Variants in RFT1 observed in about 807,000 individuals in gnomAD.
RFT1 encodes man(5)GlcNAc(2)-PP-dolichol translocation protein RFT1.
In RFT1, 43 loss-of-function variants were observed where a neutral mutation model predicts 62.2. The observed-to-expected ratio is 0.69, with a 90% CI of 0.54 to 0.89. RFT1 has a LOEUF of 0.89. Ranked by LOEUF, RFT1 falls within the 40% of genes least tolerant of loss-of-function variation. The probability of loss-of-function intolerance (pLI) is 0.00; values close to 1 mark genes in which losing one functional copy is unlikely to be tolerated. For synonymous variants in RFT1, 262 were observed against 264.6 expected (o/e 0.99, Z 0.10); for missense variants, 605 against 649.9 (o/e 0.93, Z 0.75).
chr3:53,067,793 G>T, the RFT1 span, among the ~76,000 whole-genome samples: 1 of 152,192 alleles, frequency 6.6e-6, no homozygotes, highest in Non-Finnish European at 1.5e-5. Context: ...GCCCCTGGCT[G>T]AGAATTGAGC....
chr3:53,121,839 T>A, intron 4 of RFT1, 39 bp from the exon 5 acceptor site: 3 of 1,520,494 alleles, frequency 2.0e-6, no homozygotes, highest in Non-Finnish European at 2.7e-6. Context: ...ACAAACATCA[T>A]CAAAAAGTCA....
the RFT1 span, among the ~76,000 whole-genome samples, chr3:53,068,521 T>C: frequency 1.3e-5 from 2 of 152,222 alleles, no homozygotes; most frequent in South Asian, 2.1e-4. Flanking sequence ...CTGTCCACTT[T>C]ACAGGTGACA....
chr3:53,130,273 C>T, intron 1 of RFT1, 65 bp downstream of exon 1: 1 of 1,493,120 alleles, frequency 6.7e-7, no homozygotes, highest in Non-Finnish European at 9.1e-7. Context: ...TCTCAAGGGC[C>T]CAAGGGCTGC....
chr3:53,079,023 G>A, the RFT1 span, among the ~76,000 whole-genome samples: 1 of 152,218 alleles, frequency 6.6e-6, no homozygotes, highest in Non-Finnish European at 1.5e-5. Context: ...TACAGTTCCG[G>A]GCTCTCCAGC....
chr3:53,099,154 G>C (rs1701238096), intron 11 of RFT1, among the ~76,000 whole-genome samples: 1 of 152,098 alleles, frequency 6.6e-6, no homozygotes, highest in African/African-American at 2.4e-5. Flanking sequence ...CCTCCACAAA[G>C]GGGAGGCAAA....
chr3:53,103,103 T>C (rs1701363192), intron 10 of RFT1: 25 of 985,272 alleles, frequency 2.5e-5, no homozygotes, highest in Non-Finnish European at 2.7e-5. Flanking sequence ...TGACCTTTGC[T>C]CTGGTATAGA....
intron 11 of RFT1, among the ~76,000 whole-genome samples, chr3:53,094,269 A>G (rs1575479987): frequency 6.6e-6 from 1 of 152,232 alleles, no homozygotes; most frequent in East Asian, 1.9e-4. Flanking sequence ...ATGCCCAGGT[A>G]TAGGTCCTTG....
chr3:53,112,058 G>A (rs1559591736), intron 6 of RFT1, 150 bp from the exon 7 acceptor site: 1 of 712,718 alleles, frequency 1.4e-6, no homozygotes, highest in Non-Finnish European at 2.5e-6. Context: ...GCACACAGAA[G>A]GCATCTCACA....
At chr3:53,114,782 G>A (rs1274925032) in intron 6 of RFT1, among the ~76,000 whole-genome samples, 1 of 152,124 alleles carries the variant, frequency 6.6e-6, no homozygotes, top group Non-Finnish European at 1.5e-5. Flanking sequence ...AAAAGGTGAT[G>A]GATGGTAACT....
chr3:53,128,930 C>A (rs148237431), intron 1 of RFT1, among the ~76,000 whole-genome samples: 1 of 152,224 alleles, frequency 6.6e-6, no homozygotes, highest in African/African-American at 2.4e-5. Flanking sequence ...CACTGTCACA[C>A]GGCAAGTAAA....
chr3:53,112,027 T>A (rs1288539281), intron 6 of RFT1, 119 bp from the exon 7 acceptor site: 5 of 778,452 alleles, frequency 6.4e-6, no homozygotes, highest in Non-Finnish European at 1.1e-5. Flanking sequence ...TAGTCTCCAC[T>A]GAATCCTCAT....
chr3:53,098,726 T>C (rs371121584), intron 11 of RFT1, among the ~76,000 whole-genome samples: 11 of 127,382 alleles, frequency 8.6e-5, no homozygotes, highest in South Asian at 2.6e-4. Flanking sequence ...GGCGTGAACC[T>C]GGGAGGCAGA....
chr3:53,078,518 G>A, the RFT1 span, among the ~76,000 whole-genome samples: 2 of 152,154 alleles, frequency 1.3e-5, no homozygotes, highest in Non-Finnish European at 2.9e-5. Context: ...GGAGGTCGAG[G>A]TGGGAGGATC....
At chr3:53,086,293 C>T (rs1241609520), downstream of RFT1, among the ~76,000 whole-genome samples, 1 of 152,084 alleles carries the variant, frequency 6.6e-6, no homozygotes, top group East Asian at 1.9e-4. Flanking sequence ...GAGTAGTGAT[C>T]TTGTTCAGTT....
At chr3:53,114,692 G>A (rs1233227507) in intron 6 of RFT1, among the ~76,000 whole-genome samples, 1 of 148,202 alleles carries the variant, frequency 6.7e-6, no homozygotes, top group African/African-American at 2.5e-5. Context: ...AAATAGCCAG[G>A]AATTTCCCTG....
intron 6 of RFT1, among the ~76,000 whole-genome samples, chr3:53,113,362 A>C (rs1210248623): frequency 2.0e-5 from 3 of 151,138 alleles, no homozygotes; most frequent in Non-Finnish European, 4.4e-5. Context: ...AAAAGTAGTG[A>C]TTATCCAAAG....
downstream of RFT1, among the ~76,000 whole-genome samples, chr3:53,086,325 A>AT (rs1473481629): frequency 2.0e-5 from 3 of 151,644 alleles, no homozygotes; most frequent in African/African-American, 7.3e-5. Flanking sequence ...TTTTTTACTT[A>AT]TTTTTTTGGA....
intron 11 of RFT1, among the ~76,000 whole-genome samples, chr3:53,097,988 G>T (rs998723238): frequency 3.3e-5 from 5 of 152,190 alleles, no homozygotes; most frequent in Non-Finnish European, 5.9e-5. Flanking sequence ...TCAATTTAGA[G>T]GGTAATGGCA....
intron 11 of RFT1, among the ~76,000 whole-genome samples, chr3:53,096,389 A>T (rs1348165288): frequency 2.0e-5 from 3 of 152,106 alleles, no homozygotes; most frequent in African/African-American, 7.2e-5. Flanking sequence ...TTATTAAAAA[A>T]AAAGCAACCA....
Sources: gnomAD v4.1 joint callset for allele counts (sites outside exome capture counted in the v4.1 genomes callset) on GRCh38, gnomAD v4.1.1 for gene constraint, MANE v1.5 for transcripts, NCBI Gene and HGNC (gene_info 2026-07-23, HGNC 2026-07-21) for gene names.